ASZ1: variants seen among roughly 807,000 people sequenced by gnomAD.
The protein encoded by ASZ1 is ankyrin repeat, SAM and basic leucine zipper domain-containing protein 1.
Under a neutral mutation model 61.8 loss-of-function variants are expected in ASZ1, and 67 were observed. That is an observed-to-expected ratio of 1.08 (90% confidence interval 0.89 to 1.33). The LOEUF is 1.33. Among genes scored for constraint, ASZ1 ranks in the 40% most tolerant of loss-of-function variants. The pLI is 0.00. For synonymous variants in ASZ1, 193 were observed against 192.7 expected (o/e 1.00, Z -0.01); for missense variants, 577 against 554.5 (o/e 1.04, Z -0.41).
intron 4 of ASZ1, among the ~76,000 whole-genome samples, chr7:117,418,467 A>T (rs1797037753): frequency 6.6e-6 from 1 of 152,106 alleles, no homozygotes. Flanking sequence ...AGTCTGGCCA[A>T]CATGGTGAAA....
intron 4 of ASZ1, among the ~76,000 whole-genome samples, chr7:117,398,426 A>G (rs1309423486): frequency 1.3e-5 from 2 of 152,204 alleles, no homozygotes; most frequent in African/African-American, 2.4e-5. Flanking sequence ...AAAAAAATGG[A>G]AACAATCCAA....
chr7:117,371,833 G>T (rs917583023), intron 10 of ASZ1, among the ~76,000 whole-genome samples: 4 of 152,108 alleles, frequency 2.6e-5, no homozygotes, highest in African/African-American at 9.7e-5. Context: ...CTGATAGCAG[G>T]TATGTAATTT....
intron 2 of ASZ1, 147 bp from the exon 3 acceptor site, chr7:117,422,506 C>T: frequency 1.1e-6 from 1 of 885,668 alleles, no homozygotes; most frequent in East Asian, 2.8e-5. Flanking sequence ...CCAAAAAATA[C>T]AAAATAGTTA....
chr7:117,392,485 C>A (rs1290083672), intron 4 of ASZ1, among the ~76,000 whole-genome samples: 1 of 151,924 alleles, frequency 6.6e-6, no homozygotes, highest in Non-Finnish European at 1.5e-5. Flanking sequence ...TGATTTGGTT[C>A]TCAGCTTGAA....
intron 4 of ASZ1, among the ~76,000 whole-genome samples, chr7:117,416,697 ATG>A (rs1376103899): frequency 6.6e-6 from 1 of 152,204 alleles, no homozygotes; most frequent in Non-Finnish European, 1.5e-5. Context: ...AGTTACACAA[ATG>A]TATGCATTTA....
intron 4 of ASZ1, among the ~76,000 whole-genome samples, chr7:117,391,440 C>A (rs1223662752): frequency 6.6e-6 from 1 of 152,102 alleles, no homozygotes; most frequent in Non-Finnish European, 1.5e-5. Context: ...AGTTTGAAAT[C>A]TTGCATTTAA....
chr7:117,409,725 A>C (rs1796856784), intron 4 of ASZ1, among the ~76,000 whole-genome samples: 1 of 151,880 alleles, frequency 6.6e-6, no homozygotes, highest in Admixed American at 6.6e-5. Context: ...CTCATATGAA[A>C]ACATATTTTT....
chr7:117,385,611 T>C, intron 5 of ASZ1, 87 bp downstream of exon 5: 1 of 1,102,394 alleles, frequency 9.1e-7, no homozygotes, highest in Non-Finnish European at 1.3e-6. Flanking sequence ...TCCAGCCCTT[T>C]TGTAATTATT....
rs60144830 is a variant in ASZ1, at chr7:117,423,689, CAAAAA to C, written c.206-1335_206-1331del. 6.5e-5 allele frequency among the ~76,000 whole-genome samples: 5 copies of C among 76,514 alleles called. No homozygotes were observed. The East Asian group carries it at 1.7e-3, about 26-fold the overall frequency. 50.2% of individuals were successfully genotyped at this position (76,514 alleles called of 152,430 possible). Reference sequence around the variant, plus strand: ...TGAAACCCTGTTTCTACTAAAAATACAAAAAAAAAAAAAAAAAAAAAAATTAGCCA... The same window carrying C: ...TGAAACCCTGTTTCTACTAAAAATACAAAAAAAAAAAAAAAAAATTAGCCA... On this transcript the variant is annotated intron_variant, in intron 2 of 12. Coordinates refer to ENST00000284629, the MANE Select transcript of ASZ1 (RefSeq NM_130768.3).
chr7:117,385,513 G>A (rs1360514344), intron 5 of ASZ1, among the ~76,000 whole-genome samples, 185 bp downstream of exon 5: 1 of 151,920 alleles, frequency 6.6e-6, no homozygotes, highest in Non-Finnish European at 1.5e-5. Context: ...CGCCTGCCTC[G>A]GCCTCCCAAA....
intron 4 of ASZ1, among the ~76,000 whole-genome samples, chr7:117,403,513 A>AT (rs1796719136): frequency 6.6e-6 from 1 of 152,108 alleles, no homozygotes; most frequent in African/African-American, 2.4e-5. Context: ...CTCAGTTGGA[A>AT]TTTTTTGGCA....
At chr7:117,372,725 C>A (rs1796070462) in intron 10 of ASZ1, among the ~76,000 whole-genome samples, 1 of 152,146 alleles carries the variant, frequency 6.6e-6, no homozygotes, top group African/African-American at 2.4e-5. Flanking sequence ...AATCTTACCA[C>A]TCACAGACAA....
chr7:117,376,354 G>T (rs1263319704), intron 10 of ASZ1, among the ~76,000 whole-genome samples: 1 of 152,090 alleles, frequency 6.6e-6, no homozygotes, highest in Non-Finnish European at 1.5e-5. Context: ...TTTCACTGGA[G>T]AAATCTACAG....
intron 2 of ASZ1, among the ~76,000 whole-genome samples, chr7:117,426,488 CA>C (rs10625452): frequency 0.02 from 679 of 34,014 alleles, 3 homozygotes; most frequent in African/African-American, 0.044. Context: ...GATAACATCT[CA>C]AAAAAAAAAA....
intron 10 of ASZ1, among the ~76,000 whole-genome samples, chr7:117,377,652 C>T (rs1796161335): frequency 6.6e-6 from 1 of 152,130 alleles, no homozygotes; most frequent in Non-Finnish European, 1.5e-5. Context: ...CATGGAATTA[C>T]TACCACAATC....
intron 10 of ASZ1, among the ~76,000 whole-genome samples, chr7:117,376,034 C>T (rs879335462): frequency 2.0e-5 from 3 of 151,632 alleles, no homozygotes; most frequent in Non-Finnish European, 2.9e-5. Context: ...AGAGCAGGTT[C>T]TTTGAAAAAA....
chr7:117,370,519 C>T (rs1796028981), intron 10 of ASZ1, among the ~76,000 whole-genome samples: 1 of 152,008 alleles, frequency 6.6e-6, no homozygotes, highest in Non-Finnish European at 1.5e-5. Context: ...GTGGCAGAAG[C>T]CAATTTACAG....
At chr7:117,382,384 G>A (rs763157316) in intron 7 of ASZ1, among the ~76,000 whole-genome samples, 1 of 151,986 alleles carries the variant, frequency 6.6e-6, no homozygotes, top group Admixed American at 6.6e-5. Context: ...TACTCCTTGT[G>A]AAATTTCTGC....
rs1795868400 is a variant in ASZ1 at position 117,363,527 on chromosome 7, C to A, written c.*69G>T. On this transcript the variant is annotated 3_prime_UTR_variant, in exon 13 of 13. Coordinates refer to ENST00000284629, the MANE Select transcript of ASZ1 (RefSeq NM_130768.3). Reference sequence around the variant, plus strand: ...ATGTAAAGTTATATTGTGCTGCAAACAGTTAAAAGCAATGATTTTTGGATG... The same window carrying A: ...ATGTAAAGTTATATTGTGCTGCAAAAAGTTAAAAGCAATGATTTTTGGATG... 1.6e-6 allele frequency: 2 copies of A among 1,264,346 alleles called. No homozygotes were observed. Among genetic ancestry groups the A allele is most frequent in the African/African-American group, 1.5e-5 (1 of 65,006 alleles). The allele number at this position is 1,264,346 out of a possible 1,614,324, so 78.3% of individuals were successfully genotyped here.
Sources: gnomAD v4.1 joint callset for allele counts (sites outside exome capture counted in the v4.1 genomes callset) on GRCh38, gnomAD v4.1.1 for gene constraint, MANE v1.5 for transcripts, NCBI Gene and HGNC (gene_info 2026-07-23, HGNC 2026-07-21) for gene names.